TMEM132D: variants seen among roughly 807,000 people sequenced by gnomAD.
The protein encoded by TMEM132D is mature OL transmembrane protein.
A neutral mutation model predicts 62.3 loss-of-function variants in TMEM132D; 21 were observed. The ratio of observed to expected loss-of-function variants is 0.34; its 90% CI spans 0.24 to 0.49. The LOEUF (loss-of-function observed/expected upper bound fraction) is 0.49, where lower values mean the gene tolerates loss of function less well. Among genes scored for constraint, TMEM132D ranks in the 20% least tolerant of loss-of-function variants. TMEM132D has a pLI of 0.99. For missense variants in TMEM132D, 1,346 were observed against 1,402.8 expected, an observed-to-expected ratio of 0.96 and a Z score of 0.65; for synonymous variants, 621 against 575.6, an observed-to-expected ratio of 1.08 and a Z score of -1.13.
chr12:129,720,373 G>C (rs1868778401), intron 1 of TMEM132D, among the ~76,000 whole-genome samples: 1 of 152,088 alleles, frequency 6.6e-6, no homozygotes, highest in Non-Finnish European at 1.5e-5. Flanking sequence ...ACTCACTTAA[G>C]GATTCTAGAA....
chr12:129,367,731 G>T (rs548664772), intron 3 of TMEM132D, among the ~76,000 whole-genome samples: 1 of 150,168 alleles, frequency 6.7e-6, no homozygotes, highest in South Asian at 2.1e-4. Context: ...GATGTTTTTC[G>T]TTAGATAGAT....
chr12:129,390,520 A>T (rs1054115562), intron 3 of TMEM132D, among the ~76,000 whole-genome samples: 1 of 152,174 alleles, frequency 6.6e-6, no homozygotes, highest in African/African-American at 2.4e-5. Flanking sequence ...AAGGCCCATC[A>T]ACTCAACTTA....
chr12:129,529,729 CCATT>C (rs1876160812), intron 3 of TMEM132D, among the ~76,000 whole-genome samples: 1 of 152,202 alleles, frequency 6.6e-6, no homozygotes, highest in Non-Finnish European at 1.5e-5. Context: ...ATCCATCCAT[CCATT>C]TGCCCATCAA....
At chr12:129,406,787 G>A (rs1351515609) in intron 3 of TMEM132D, among the ~76,000 whole-genome samples, 1 of 152,186 alleles carries the variant, frequency 6.6e-6, no homozygotes, top group Non-Finnish European at 1.5e-5. Context: ...TGGCAGCCCT[G>A]CGCCTCCACT....
At chr12:129,801,986 GA>G (rs1871805375) in intron 1 of TMEM132D, among the ~76,000 whole-genome samples, 1 of 150,518 alleles carries the variant, frequency 6.6e-6, no homozygotes, top group Admixed American at 6.6e-5. Flanking sequence ...GAAGTTTAGA[GA>G]AAAAAGAATA....
intron 1 of TMEM132D, among the ~76,000 whole-genome samples, chr12:129,901,680 A>G (rs576208907): frequency 6.6e-6 from 1 of 152,342 alleles, no homozygotes; most frequent in African/African-American, 2.4e-5. Context: ...GCTAAATACA[A>G]TTCTCTTCAA....
chr12:129,863,503 C>A (rs34667225), intron 1 of TMEM132D, among the ~76,000 whole-genome samples: 13,188 of 152,136 alleles, frequency 0.087, 631 homozygotes, highest in Middle Eastern at 0.14. Context: ...ATTTTTCTAC[C>A]TTATAATGAT....
chr12:129,304,562 G>A (rs1881798833), intron 4 of TMEM132D, among the ~76,000 whole-genome samples: 2 of 151,610 alleles, frequency 1.3e-5, no homozygotes, highest in Non-Finnish European at 2.9e-5. Context: ...CCAGGTCACA[G>A]CCTGAACAAT....
At chr12:129,708,993 C>A (rs974334161) in intron 1 of TMEM132D, among the ~76,000 whole-genome samples, 2 of 152,180 alleles carry the variant, frequency 1.3e-5, no homozygotes, top group Non-Finnish European at 2.9e-5. Context: ...AAGACCTACT[C>A]AGATGAGACC....
At chr12:129,549,516 C>A (rs781316686) in intron 2 of TMEM132D, among the ~76,000 whole-genome samples, 1 of 152,216 alleles carries the variant, frequency 6.6e-6, no homozygotes, top group Non-Finnish European at 1.5e-5. Context: ...TTCTTTCTTG[C>A]CTGACACCAT....
At chr12:129,859,804 C>A (rs1025800540) in intron 1 of TMEM132D, among the ~76,000 whole-genome samples, 4 of 152,170 alleles carry the variant, frequency 2.6e-5, no homozygotes, top group Non-Finnish European at 2.9e-5. Flanking sequence ...GGCCTTTGGC[C>A]ACAGGCTGAT....
In TMEM132D at chr12:129,784,205, C is replaced by T. The variant is rs571731715; in HGVS notation, c.80-83507G>A. Among the ~76,000 whole-genome samples the T allele has an allele frequency of 2.7e-4, 41 of 152,324 alleles. No individual in the cohort carries two copies. In the South Asian group the frequency reaches 8.1e-3, roughly 30 times the overall value. On this transcript the variant is annotated intron_variant, in intron 1 of 8. Transcript: ENST00000422113. ...ATCCCCCCGTGAGACCACGAGCTGG[C>T]ATTTAGGGCTCACTCTGTGGGAAAA...
At chr12:129,753,695 C>T (rs1160054979) in intron 1 of TMEM132D, among the ~76,000 whole-genome samples, 1 of 152,178 alleles carries the variant, frequency 6.6e-6, no homozygotes, top group Non-Finnish European at 1.5e-5. Context: ...TCAATCTCAA[C>T]AAAAGGAAAT....
At chr12:129,568,549 C>T (rs917036059) in intron 2 of TMEM132D, among the ~76,000 whole-genome samples, 2 of 152,188 alleles carry the variant, frequency 1.3e-5, no homozygotes, top group Non-Finnish European at 2.9e-5. Flanking sequence ...AATCTCAAAT[C>T]GAACTATTCT....
At chr12:129,846,061 G>A (rs1188170960) in intron 1 of TMEM132D, among the ~76,000 whole-genome samples, 9 of 152,186 alleles carry the variant, frequency 5.9e-5, no homozygotes, top group African/African-American at 1.9e-4. Flanking sequence ...GGACTGGTGG[G>A]CATTTCTTAT....
chr12:129,263,875 T>A (rs571994814), intron 4 of TMEM132D, among the ~76,000 whole-genome samples: 40 of 152,202 alleles, frequency 2.6e-4, no homozygotes, highest in Admixed American at 1.4e-3. Context: ...CTGTGTGAGC[T>A]GCAAGTGACA....
chr12:129,207,539 C>T (rs1433032530), intron 5 of TMEM132D, among the ~76,000 whole-genome samples: 3 of 152,012 alleles, frequency 2.0e-5, no homozygotes, highest in South Asian at 2.1e-4. Context: ...GCGAGGGAGC[C>T]GTACAGGCAT....
intron 3 of TMEM132D, among the ~76,000 whole-genome samples, chr12:129,453,856 A>G (rs1873379878): frequency 6.6e-6 from 1 of 152,104 alleles, no homozygotes; most frequent in African/African-American, 2.4e-5. Flanking sequence ...GTGTCTGTGT[A>G]TGAGTCTGTG....
intron 4 of TMEM132D, among the ~76,000 whole-genome samples, chr12:129,324,884 C>G (rs1868851376): frequency 6.6e-6 from 1 of 152,136 alleles, no homozygotes; most frequent in Non-Finnish European, 1.5e-5. Flanking sequence ...TGAATATCCC[C>G]AAACATGTCT....
Sources: allele counts gnomAD v4.1 joint callset (sites outside exome capture counted in the v4.1 genomes callset), GRCh38; gene constraint gnomAD v4.1.1; transcripts MANE v1.5; gene names NCBI Gene and HGNC (gene_info 2026-07-23, HGNC 2026-07-21).